PABPC4L: variants seen among roughly 807,000 people sequenced by gnomAD.
The protein encoded by PABPC4L is poly(A) binding protein cytoplasmic 4 like, also known as polyadenylate-binding protein 4-like.
For missense variants in PABPC4L, 452 were observed against 451.4 expected (o/e 1.00, Z -0.01); for synonymous variants, 169 against 164.1 (o/e 1.03, Z -0.23).
the PABPC4L span, among the ~76,000 whole-genome samples, chr4:134,107,467 A>G: frequency 2.0e-5 from 3 of 151,782 alleles, no homozygotes; most frequent in Non-Finnish European, 4.4e-5. Context: ...AAACTTGTCT[A>G]TAAAATTCCA....
At chr4:134,012,456 T>A in the PABPC4L span, among the ~76,000 whole-genome samples, 1 of 152,126 alleles carries the variant, frequency 6.6e-6, no homozygotes, top group Non-Finnish European at 1.5e-5. Flanking sequence ...AGCCCCCCTT[T>A]GACTGTAATT....
At chr4:134,122,000 C>A in the PABPC4L span, among the ~76,000 whole-genome samples, 3 of 151,768 alleles carry the variant, frequency 2.0e-5, no homozygotes, top group Admixed American at 6.6e-5. Flanking sequence ...CCGAAAGTAA[C>A]TTCAAACTTA....
the PABPC4L span, among the ~76,000 whole-genome samples, chr4:134,061,647 AGAGAGAGAG>A: frequency 7.9e-5 from 10 of 127,018 alleles, no homozygotes; most frequent in East Asian, 2.0e-3. Context: ...AGAGAGAGAG[AGAGAGAGAG>A]AGATTGGAGA....
the PABPC4L span, among the ~76,000 whole-genome samples, chr4:134,128,991 C>T: frequency 2.0e-4 from 30 of 152,052 alleles, 2 homozygotes; most frequent in Admixed American, 3.3e-4. Flanking sequence ...AAATATTCCA[C>T]GCAAAGGGGC....
At chr4:134,122,925 CAGAT>C in the PABPC4L span, among the ~76,000 whole-genome samples, 1 of 151,750 alleles carries the variant, frequency 6.6e-6, no homozygotes, top group African/African-American at 2.4e-5. Flanking sequence ...AATATTTACT[CAGAT>C]AGTGACTAAA....
At chr4:134,112,643 A>G in the PABPC4L span, among the ~76,000 whole-genome samples, 3 of 151,572 alleles carry the variant, frequency 2.0e-5, no homozygotes, top group East Asian at 1.9e-4. Flanking sequence ...TCATCTATCT[A>G]TCTACATCTA....
At chr4:134,101,584 G>A in the PABPC4L span, among the ~76,000 whole-genome samples, 1 of 151,112 alleles carries the variant, frequency 6.6e-6, no homozygotes, top group Non-Finnish European at 1.5e-5. Flanking sequence ...AACCTCTCAT[G>A]AAGCCATAAA....
At chr4:134,100,158 A>G in the PABPC4L span, among the ~76,000 whole-genome samples, 4 of 151,648 alleles carry the variant, frequency 2.6e-5, no homozygotes, top group Non-Finnish European at 5.9e-5. Context: ...CAGACACTAC[A>G]TTTTAATAAT....
chr4:134,174,266 G>A, the PABPC4L span, among the ~76,000 whole-genome samples: 6 of 151,522 alleles, frequency 4.0e-5, no homozygotes, highest in Admixed American at 2.0e-4. Context: ...AAGGAATTGC[G>A]CTGGGCTGTT....
chr4:134,112,421 T>G, the PABPC4L span, among the ~76,000 whole-genome samples: 2 of 151,932 alleles, frequency 1.3e-5, no homozygotes, highest in Non-Finnish European at 2.9e-5. Context: ...TATACTCTAG[T>G]AAGTTCTCTC....
At chr4:133,953,674 A>G in the PABPC4L span, among the ~76,000 whole-genome samples, 2 of 152,156 alleles carry the variant, frequency 1.3e-5, no homozygotes, top group East Asian at 1.9e-4. Flanking sequence ...AAAATCTTGC[A>G]TTTGGGCCCA....
At chr4:134,007,446 A>G in the PABPC4L span, among the ~76,000 whole-genome samples, 1 of 151,810 alleles carries the variant, frequency 6.6e-6, no homozygotes, top group Non-Finnish European at 1.5e-5. Flanking sequence ...ATAATTGTCA[A>G]TCACCTTATT....
Position 134,200,636 on chromosome 4 carries a change from C to G in PABPC4L, c.384G>C (p.Lys128Asn), listed in dbSNP as rs1032833585. ...TGGAGCCTTGATCATCACTCATCAC[C>G]TTGGAGGAAAGGATCTTTCCAAAAG... ...FSAFGKILSSKVMSDDQGSKG... is the reference protein window; with the variant it reads ...FSAFGKILSSNVMSDDQGSKG... Residue 128 changes from lysine to asparagine, a missense_variant, in exon 2 of 2, where the codon AAG becomes AAC. Physicochemically the swap from Lys to Asn is moderately conservative, Grantham distance 94 (BLOSUM62 0). Coordinates refer to ENST00000421491, the MANE Select transcript of PABPC4L (RefSeq NM_001114734.2). 4 of 1,551,516 alleles carry G rather than the reference C, an allele frequency of 2.6e-6. No individual in the cohort carries two copies. The African/African-American group carries it at 4.1e-5, about 16-fold the overall frequency.
chr4:133,984,639 G>A, the PABPC4L span, among the ~76,000 whole-genome samples: 1 of 151,806 alleles, frequency 6.6e-6, no homozygotes, highest in Non-Finnish European at 1.5e-5. Flanking sequence ...CAGATTACTT[G>A]GGCCAGTAGG....
downstream of PABPC4L, among the ~76,000 whole-genome samples, chr4:134,193,771 A>G (rs1342338207): frequency 1.3e-5 from 2 of 151,942 alleles, no homozygotes; most frequent in Non-Finnish European, 2.9e-5. Flanking sequence ...AGAGAGGTAT[A>G]AAAGAAACAT....
At chr4:134,059,768 GAA>G in the PABPC4L span, among the ~76,000 whole-genome samples, 1 of 151,896 alleles carries the variant, frequency 6.6e-6, no homozygotes, top group Non-Finnish European at 1.5e-5. Context: ...TTCAAAAAAA[GAA>G]AAAAGAGAGG....
chr4:134,095,279 A>G, the PABPC4L span, among the ~76,000 whole-genome samples: 1 of 151,962 alleles, frequency 6.6e-6, no homozygotes, highest in South Asian at 2.1e-4. Context: ...GTTATCTTTC[A>G]AAAATATTTG....
At chr4:134,149,972 G>A in the PABPC4L span, among the ~76,000 whole-genome samples, 4 of 151,936 alleles carry the variant, frequency 2.6e-5, no homozygotes, top group East Asian at 7.7e-4. Context: ...GCCCATATTG[G>A]GCCCAGGAAT....
chr4:134,038,352 G>A, the PABPC4L span, among the ~76,000 whole-genome samples: 2 of 152,192 alleles, frequency 1.3e-5, no homozygotes, highest in Middle Eastern at 3.4e-3. Context: ...TAGTTAGGGA[G>A]GATTCCCTCT....
Sources: gnomAD v4.1 joint callset for allele counts (sites outside exome capture counted in the v4.1 genomes callset) on GRCh38, gnomAD v4.1.1 for gene constraint, MANE v1.5 for transcripts, NCBI Gene and HGNC (gene_info 2026-07-23, HGNC 2026-07-21) for gene names.